The following CRYBG1 variants were observed in gnomAD, a reference collection of about 807,000 sequenced individuals.
The protein encoded by CRYBG1 is beta/gamma crystallin domain-containing protein 1.
A neutral mutation model predicts 189.2 loss-of-function variants in CRYBG1; 139 were observed. That is an observed-to-expected ratio of 0.73 (90% CI 0.64 to 0.85). The LOEUF (loss-of-function observed/expected upper bound fraction) is 0.85. Among genes scored for constraint, CRYBG1 ranks in the 40% least tolerant of loss-of-function variants. CRYBG1 has a pLI of 0.00. For missense variants in CRYBG1, 2,611 were observed against 2,675.8 expected (o/e 0.98, Z 0.53); for synonymous variants, 1,023 against 1,017.1 (o/e 1.01, Z -0.11).
chr6:106,511,667 G>A lies in CRYBG1; in HGVS notation c.550G>A (p.Gly184Ser), dbSNP rs765308922. The A allele has an allele frequency of 4.6e-6, 7 of 1,535,572 alleles. 1 individual carries two copies. Among genetic ancestry groups the A allele is most frequent in the South Asian group, 3.6e-5 (3 of 84,052 alleles). The change falls in exon 3 of 22, where the codon GGC becomes AGC. Residue 184 changes from glycine (G) to serine (S), a missense_variant. By Grantham distance (56) the Gly-to-Ser change is moderately conservative. This residue lies in a region of CRYBG1 where 985 missense variants were observed against 924.4 expected (regional missense o/e 1.07). Transcript: ENST00000633556. Reference sequence around the variant, plus strand: ...GAAGCAAACGGACACAAGCGAGGAGGGCTCCCCGCGGGAGAATCCCCGAGA... The same window carrying A: ...GAAGCAAACGGACACAAGCGAGGAGAGCTCCCCGCGGGAGAATCCCCGAGA... ...QLKQTDTSEE[G>S]SPRENPREAE...
chr6:106,510,488 C>G (rs1443784342), intron 2 of CRYBG1, among the ~76,000 whole-genome samples: 1 of 152,262 alleles, frequency 6.6e-6, no homozygotes, highest in Admixed American at 6.5e-5. Flanking sequence ...GGTTTTCCCC[C>G]TTCCTGGGAG....
chr6:106,366,391 G>C (rs543786918), intron 1 of CRYBG1, among the ~76,000 whole-genome samples: 15 of 152,314 alleles, frequency 9.8e-5, no homozygotes, highest in Admixed American at 3.3e-4. Flanking sequence ...AAGTAAGTCT[G>C]CCACTAGCTG....
At chr6:106,516,629 A>AT (rs1773428461) in intron 3 of CRYBG1, among the ~76,000 whole-genome samples, 3 of 152,230 alleles carry the variant, frequency 2.0e-5, no homozygotes, top group African/African-American at 7.2e-5. Context: ...AGTGGCCTCT[A>AT]AAGTCTATGT....
At chr6:106,525,110 T>C (rs764334350) in intron 4 of CRYBG1, 23 bp from the exon 5 acceptor site, 4 of 1,612,672 alleles carry the variant, frequency 2.5e-6, no homozygotes, top group Admixed American at 1.7e-5. Flanking sequence ...TTATTTGTTG[T>C]GTTTTTGTTC....
chr6:106,569,570 C>T lies in CRYBG1; in HGVS notation c.*1004C>T, dbSNP rs2114609031. On this transcript the variant is annotated 3_prime_UTR_variant, in exon 22 of 22. Transcript: ENST00000633556. ...ATCCATGGGCTGCCCTAGAATGTCA[C>T]AAATGAGGGTTGTTTAATGCCTTTC... 6.6e-6 allele frequency: 1 copy of T among 152,320 alleles called. No individual in the cohort carries two copies. Among genetic ancestry groups the T allele is most frequent in the Admixed American group, 6.5e-5 (1 of 15,290 alleles). 9.4% of individuals were successfully genotyped at this position (152,320 alleles called of 1,614,324 possible). A position where few individuals can be genotyped will look rare whatever the true frequency, so the allele number is the denominator to read the frequency against.
intron 1 of CRYBG1, among the ~76,000 whole-genome samples, chr6:106,440,266 CTCTT>C (rs1771542890): frequency 1.9e-5 from 2 of 103,868 alleles, no homozygotes; most frequent in Non-Finnish European, 2.1e-5. Flanking sequence ...CTCTCTCTCT[CTCTT>C]TTTTTTTCTT....
chr6:106,380,492 T>C (rs981276762), intron 1 of CRYBG1, among the ~76,000 whole-genome samples: 3 of 151,748 alleles, frequency 2.0e-5, no homozygotes, highest in African/African-American at 7.3e-5. Flanking sequence ...GAGAGGAGAG[T>C]GTGATTAGGT....
intron 1 of CRYBG1, among the ~76,000 whole-genome samples, chr6:106,369,341 T>C (rs1324567063): frequency 6.6e-6 from 1 of 152,250 alleles, no homozygotes; most frequent in Non-Finnish European, 1.5e-5. Context: ...GTGTTAAGCT[T>C]GGCAAAAGAT....
chr6:106,515,088 T>C (rs1002112972), intron 3 of CRYBG1, among the ~76,000 whole-genome samples: 1 of 152,238 alleles, frequency 6.6e-6, no homozygotes, highest in African/African-American at 2.4e-5. Flanking sequence ...AAAATGACAC[T>C]GAAGTAGCAT....
At chr6:106,404,494 T>C (rs1390318781) in intron 1 of CRYBG1, among the ~76,000 whole-genome samples, 1 of 152,178 alleles carries the variant, frequency 6.6e-6, no homozygotes, top group South Asian at 2.1e-4. Flanking sequence ...AAAAGAAATA[T>C]TCTATCTGAA....
chr6:106,394,805 AGT>A (rs1479705556), intron 1 of CRYBG1, among the ~76,000 whole-genome samples: 1 of 152,032 alleles, frequency 6.6e-6, no homozygotes, highest in African/African-American at 2.4e-5. Context: ...TTTAGTAGGT[AGT>A]GCAGTGCCTT....
At chr6:106,558,379 A>T in intron 17 of CRYBG1, 107 bp from the exon 18 acceptor site, 1 of 997,064 alleles carries the variant, frequency 1.0e-6, no homozygotes, top group East Asian at 2.8e-5. Flanking sequence ...GGAAAGGCCA[A>T]ATCTAGCAGA....
intron 20 of CRYBG1, among the ~76,000 whole-genome samples, chr6:106,561,717 T>G (rs752770332): frequency 6.6e-6 from 1 of 152,210 alleles, no homozygotes; most frequent in Admixed American, 6.5e-5. Flanking sequence ...TGATCCAAGA[T>G]AGAATATTTA....
At chr6:106,460,155 T>C (rs1038549656) in intron 2 of CRYBG1, among the ~76,000 whole-genome samples, 4 of 14,792 alleles carry the variant, frequency 2.7e-4, no homozygotes, top group Non-Finnish European at 4.6e-4. Context: ...CCCGGCTAAT[T>C]TTTTTTTTTG....
chr6:106,482,284 G>A (rs1180969941), intron 2 of CRYBG1, among the ~76,000 whole-genome samples: 1 of 152,164 alleles, frequency 6.6e-6, no homozygotes, highest in African/African-American at 2.4e-5. Context: ...ATTAGGTCAG[G>A]CCTACTCAGG....
intron 1 of CRYBG1, among the ~76,000 whole-genome samples, chr6:106,388,618 A>C (rs968392294): frequency 6.6e-6 from 1 of 152,228 alleles, no homozygotes; most frequent in Non-Finnish European, 1.5e-5. Flanking sequence ...GAGTAGAATT[A>C]TAATTTCTGG....
chr6:106,534,813 C>T (rs930234261), intron 8 of CRYBG1, among the ~76,000 whole-genome samples: 17 of 150,926 alleles, frequency 1.1e-4, no homozygotes, highest in South Asian at 2.1e-4. Context: ...TTTTTGGGGG[C>T]GGGGTGTGTG....
intron 2 of CRYBG1, among the ~76,000 whole-genome samples, chr6:106,502,201 G>T (rs1468405779): frequency 6.6e-6 from 1 of 152,150 alleles, no homozygotes; most frequent in African/African-American, 2.4e-5. Flanking sequence ...TTAGTCCTTG[G>T]TTCTTTAGTA....
intron 1 of CRYBG1, among the ~76,000 whole-genome samples, chr6:106,412,544 T>C (rs1384467455): frequency 1.3e-5 from 2 of 152,170 alleles, no homozygotes; most frequent in Non-Finnish European, 2.9e-5. Context: ...CCCACACATG[T>C]GTAAGGTGGC....
Sources: gnomAD v4.1 joint callset for allele counts (sites outside exome capture counted in the v4.1 genomes callset) on GRCh38, gnomAD v4.1.1 for gene constraint, gnomAD v4.1.1 regional missense constraint, MANE v1.5 for transcripts, NCBI Gene and HGNC (gene_info 2026-07-23, HGNC 2026-07-21) for gene names.